The following ST6GAL2 variants were observed in gnomAD, a reference collection of about 807,000 sequenced individuals.
The protein encoded by ST6GAL2 is beta-galactoside alpha-2,6-sialyltransferase 2.
ST6GAL2 carries 24 observed loss-of-function variants against 37.5 expected under a neutral mutation model. The observed-to-expected ratio is 0.64, with a 90% CI of 0.46 to 0.90. The LOEUF is 0.90. Among genes scored for constraint, ST6GAL2 ranks in the 40% least tolerant of loss-of-function variants. ST6GAL2 has a pLI of 0.00. For missense variants in ST6GAL2, 715 were observed against 712.7 expected, an observed-to-expected ratio of 1.00 and a Z score of -0.04; for synonymous variants, 306 against 295.1, an observed-to-expected ratio of 1.04 and a Z score of -0.38.
chr2:106,862,107 CCA>C (rs566671662), intron 1 of ST6GAL2, among the ~76,000 whole-genome samples: 115 of 152,302 alleles, frequency 7.6e-4, no homozygotes, highest in African/African-American at 2.6e-3. Flanking sequence ...TCTCTTGAAG[CCA>C]CACAGTCAGA....
intron 1 of ST6GAL2, among the ~76,000 whole-genome samples, chr2:106,872,730 T>A (rs1678326160): frequency 6.6e-6 from 1 of 152,042 alleles, no homozygotes; most frequent in Non-Finnish European, 1.5e-5. Flanking sequence ...GCCTCCTGAG[T>A]AGCTGGGATT....
intron 1 of ST6GAL2, among the ~76,000 whole-genome samples, chr2:106,846,735 C>T (rs1677159116): frequency 1.3e-5 from 2 of 152,182 alleles, no homozygotes; most frequent in Non-Finnish European, 2.9e-5. Context: ...CCTACATAGA[C>T]AGAATATACT....
At chr2:106,858,566 G>C (rs964148362) in intron 1 of ST6GAL2, among the ~76,000 whole-genome samples, 1 of 152,188 alleles carries the variant, frequency 6.6e-6, no homozygotes, top group African/African-American at 2.4e-5. Flanking sequence ...TACTTGCTAA[G>C]CCAGTTTCCT....
chr2:106,854,153 C>T (rs1677480577), intron 1 of ST6GAL2, among the ~76,000 whole-genome samples: 3 of 152,182 alleles, frequency 2.0e-5, no homozygotes, highest in Non-Finnish European at 4.4e-5. Flanking sequence ...TACAAGGAGG[C>T]TTCTGTACCA....
At chr2:106,832,244 A>G (rs1309892716) in intron 4 of ST6GAL2, among the ~76,000 whole-genome samples, 2 of 152,238 alleles carry the variant, frequency 1.3e-5, no homozygotes, top group Non-Finnish European at 2.9e-5. Context: ...TAGCCCTATC[A>G]CAATGAAACA....
At chr2:106,861,259 C>T (rs908063375) in intron 1 of ST6GAL2, among the ~76,000 whole-genome samples, 1 of 152,166 alleles carries the variant, frequency 6.6e-6, no homozygotes, top group Non-Finnish European at 1.5e-5. Flanking sequence ...AACAAGTAAT[C>T]TGTTTATCTT....
At chr2:106,813,174 G>C in intron 5 of ST6GAL2, 1 of 1,331,588 alleles carries the variant, frequency 7.5e-7, no homozygotes, top group Non-Finnish European at 9.7e-7. Flanking sequence ...GTGCAGTCGC[G>C]TGATCTCGGC....
intron 1 of ST6GAL2, among the ~76,000 whole-genome samples, chr2:106,863,914 A>G (rs1388574536): frequency 1.3e-5 from 2 of 152,196 alleles, no homozygotes; most frequent in Non-Finnish European, 2.9e-5. Flanking sequence ...GTGCTGCCTC[A>G]GAACCTCTAA....
chr2:106,802,780 A>G lies in ST6GAL2; in HGVS notation c.*3898T>C, dbSNP rs1311001148. On this transcript the variant is annotated 3_prime_UTR_variant, in exon 6 of 6. Coordinates refer to ENST00000409382, the MANE Select transcript of ST6GAL2 (RefSeq NM_001142351.2). ...AACATACTTGGAAGCTACCTGGCCA[A>G]TAGGTTCACTCATGTCTTTCTGATA... The G allele has an allele frequency of 6.6e-6, 1 of 152,168 alleles. No individual in the cohort carries two copies. The highest frequency in any genetic ancestry group is 1.5e-5 in the Non-Finnish European group (1 of 68,030). The allele number at this position is 152,168 out of a possible 1,614,324, so 9.4% of individuals were successfully genotyped here.
At chr2:106,851,055 CA>C (rs1212824139) in intron 1 of ST6GAL2, among the ~76,000 whole-genome samples, 1 of 152,158 alleles carries the variant, frequency 6.6e-6, no homozygotes, top group African/African-American at 2.4e-5. Context: ...AGAGCACTGG[CA>C]AGATTATACT....
At chr2:106,862,419 A>C (rs4676306) in intron 1 of ST6GAL2, among the ~76,000 whole-genome samples, 93,408 of 152,090 alleles carry the variant, frequency 0.61, 30,028 homozygotes, top group Non-Finnish European at 0.74. Context: ...TCAAACAAAC[A>C]CTGAATTCAT....
At chr2:106,885,763 A>T (rs771347150) in intron 1 of ST6GAL2, 20 of 152,146 alleles carry the variant, frequency 1.3e-4, no homozygotes, top group Non-Finnish European at 2.9e-4. Flanking sequence ...TGAACAGAAC[A>T]CACTTTAACC....
At chr2:106,814,685 G>C (rs1340914912) in intron 5 of ST6GAL2, among the ~76,000 whole-genome samples, 1 of 152,180 alleles carries the variant, frequency 6.6e-6, no homozygotes, top group East Asian at 1.9e-4. Context: ...GTGCCTGGAT[G>C]CCCTACTGCA....
At chr2:106,823,138 G>A (rs905112917) in intron 5 of ST6GAL2, 2 of 152,044 alleles carry the variant, frequency 1.3e-5, no homozygotes, top group Non-Finnish European at 2.9e-5. Context: ...AAGTGGAAAA[G>A]GAAGCCCTGT....
intron 2 of ST6GAL2, among the ~76,000 whole-genome samples, chr2:106,839,736 C>T (rs1044094022): frequency 1.2e-4 from 18 of 152,126 alleles, no homozygotes; most frequent in African/African-American, 4.3e-4. Flanking sequence ...AAGGCTATTA[C>T]TGGTGGTTCA....
At chr2:106,885,165 C>G (rs1295360222) in intron 1 of ST6GAL2, among the ~76,000 whole-genome samples, 2 of 151,694 alleles carry the variant, frequency 1.3e-5, no homozygotes, top group African/African-American at 4.8e-5. Context: ...CCACCAAAGA[C>G]CCCCCTCACC....
chr2:106,839,802 T>C (rs1676801451), intron 2 of ST6GAL2, among the ~76,000 whole-genome samples: 1 of 152,188 alleles, frequency 6.6e-6, no homozygotes. Flanking sequence ...TAGCACTGCA[T>C]AGAAGCAAAT....
intron 2 of ST6GAL2, among the ~76,000 whole-genome samples, chr2:106,842,227 A>G (rs1468508169): frequency 1.3e-5 from 2 of 152,198 alleles, no homozygotes; most frequent in African/African-American, 4.8e-5. Flanking sequence ...CTGTCTCTGT[A>G]TAGACACATA....
At chr2:106,868,810 CAT>C (rs936180315) in intron 1 of ST6GAL2, among the ~76,000 whole-genome samples, 1 of 151,944 alleles carries the variant, frequency 6.6e-6, no homozygotes, top group Non-Finnish European at 1.5e-5. Flanking sequence ...TGTGCCCCCA[CAT>C]GTGTGAATTG....
Sources: allele counts gnomAD v4.1 joint callset (sites outside exome capture counted in the v4.1 genomes callset), GRCh38; gene constraint gnomAD v4.1.1; transcripts MANE v1.5; gene names NCBI Gene and HGNC (gene_info 2026-07-23, HGNC 2026-07-21).